COBL: variants seen among roughly 807,000 people sequenced by gnomAD.
COBL encodes the protein cordon-bleu WH2 repeat protein.
A neutral mutation model predicts 98.8 loss-of-function variants in COBL; 51 were observed. That is an observed-to-expected ratio of 0.52 (90% confidence interval 0.41 to 0.65). COBL has a LOEUF of 0.65. COBL is among the 30% of genes least tolerant of loss of function. The pLI, the probability that COBL is intolerant of heterozygous loss-of-function variation, is 0.00. For missense variants in COBL, 1,617 were observed against 1,617.5 expected, an observed-to-expected ratio of 1.00 and a Z score of 0.01; for synonymous variants, 634 against 651.7, an observed-to-expected ratio of 0.97 and a Z score of 0.41.
chr7:51,240,693 C>T (rs978985431), intron 1 of COBL, among the ~76,000 whole-genome samples: 4 of 127,756 alleles, frequency 3.1e-5, no homozygotes, highest in Admixed American at 8.4e-5. Flanking sequence ...ATTACAGGCA[C>T]GCACCACCAC....
At chr7:51,021,526 T>C (rs1038306993) in intron 12 of COBL, among the ~76,000 whole-genome samples, 2 of 152,056 alleles carry the variant, frequency 1.3e-5, no homozygotes, top group Admixed American at 6.6e-5. Flanking sequence ...GGGGGTCTTG[T>C]TATGTTGCCC....
At chr7:51,254,358 AGTATTATTT>A (rs1797016446) in intron 1 of COBL, among the ~76,000 whole-genome samples, 1 of 152,206 alleles carries the variant, frequency 6.6e-6, no homozygotes, top group Non-Finnish European at 1.5e-5. Flanking sequence ...CTGGTACAGA[AGTATTATTT>A]GTGCTAAACT....
chr7:51,184,653 T>A (rs1172632260), intron 4 of COBL, among the ~76,000 whole-genome samples: 1 of 151,980 alleles, frequency 6.6e-6, no homozygotes, highest in African/African-American at 2.4e-5. Flanking sequence ...AAAGTATTGA[T>A]GAGATATTTT....
chr7:51,250,260 C>CA (rs1487825116), intron 1 of COBL, among the ~76,000 whole-genome samples: 1 of 152,214 alleles, frequency 6.6e-6, no homozygotes, highest in Non-Finnish European at 1.5e-5. Context: ...GGTACACACT[C>CA]AGAGAACTCA....
chr7:51,308,403 CACAG>C (rs897097613), intron 1 of COBL, among the ~76,000 whole-genome samples: 37 of 152,304 alleles, frequency 2.4e-4, no homozygotes, highest in South Asian at 1.0e-3. Context: ...CCCACTCTCA[CACAG>C]ACAGACAGAC....
Position 51,028,640 on chromosome 7 carries a change from T to A in COBL, c.2456A>T (p.Lys819Met), listed in dbSNP as rs1424533679. Residue 819 changes from lysine (K) to methionine (M), a missense_variant, in exon 10 of 13, where the codon AAG becomes ATG. Lys to Met is a moderately conservative substitution (Grantham distance 95). This residue lies in a region of COBL where 1,304 missense variants were observed against 1,282.0 expected (regional missense o/e 1.02). Transcript: ENST00000265136. ...GTTCCGGCCCTCATGGTGGGCAGAC[T>A]TCTGCTGGGGCGATATTGGCTTGGG... ...ADPKPISPQQ[K>M]SAHHEGRNPL... The A allele has an allele frequency of 1.2e-5, 20 of 1,613,402 alleles. No homozygotes were observed. The highest frequency in any genetic ancestry group is 1.6e-5 in the Non-Finnish European group (19 of 1,179,598).
intron 2 of COBL, among the ~76,000 whole-genome samples, chr7:51,216,112 A>G (rs1793013562): frequency 6.6e-6 from 1 of 152,242 alleles, no homozygotes; most frequent in African/African-American, 2.4e-5. Flanking sequence ...GACACAAGGC[A>G]CTGACCATAT....
chr7:51,021,395 A>G (rs1342832354), intron 12 of COBL: 1 of 152,200 alleles, frequency 6.6e-6, no homozygotes, highest in Non-Finnish European at 1.5e-5. Context: ...CAGTGGTATG[A>G]TCATAGCTCA....
intron 1 of COBL, chr7:51,259,461 G>T: frequency 1.8e-6 from 1 of 549,230 alleles, no homozygotes; most frequent in Non-Finnish European, 3.3e-6. Context: ...TGATTGATGT[G>T]TTCACCCCGA....
At chr7:51,085,030 C>T in intron 7 of COBL, 136 bp downstream of exon 7, 2 of 1,280,160 alleles carry the variant, frequency 1.6e-6, no homozygotes, top group Non-Finnish European at 1.1e-6. Context: ...CTTTCCAGCC[C>T]TTCTTTCTTT....
intron 2 of COBL, among the ~76,000 whole-genome samples, chr7:51,206,491 CAAAAA>C (rs1216887855): frequency 5.9e-5 from 6 of 101,240 alleles, no homozygotes; most frequent in African/African-American, 1.9e-4. Context: ...GACTCTGTCT[CAAAAA>C]AAAAAAAAAA....
At chr7:51,204,842 C>G (rs1291864470) in intron 2 of COBL, among the ~76,000 whole-genome samples, 1 of 151,608 alleles carries the variant, frequency 6.6e-6, no homozygotes, top group East Asian at 1.9e-4. Context: ...AGCCACCACA[C>G]CCAGCCAAAA....
Position 51,028,360 on chromosome 7 carries a change from A to G in COBL, c.2736T>C (p.Asp912=), listed in dbSNP as rs758406466. The G allele has an allele frequency of 1.4e-5, 22 of 1,614,126 alleles. No homozygotes were observed. Among genetic ancestry groups the G allele is most frequent in the East Asian group, 1.3e-4 (6 of 44,890 alleles). The change falls in exon 10 of 13, where the codon GAT becomes GAC. Residue 912 remains aspartate, a synonymous_variant. Coordinates refer to ENST00000265136, the MANE Select transcript of COBL (RefSeq NM_015198.5). ...CTGAGTGTGGGCTGGATGTCCTGTC[A>G]TCTTTCACAGTGACAGGTGGTGCAG... The part of the protein sequence containing the change: ...VLAAPPVTVK[D]DRTSSPHSET...
intron 1 of COBL, among the ~76,000 whole-genome samples, chr7:51,299,171 TACACACAC>T (rs139865540): frequency 1.3e-5 from 2 of 148,798 alleles, no homozygotes; most frequent in Admixed American, 6.7e-5. Context: ...CACACATACA[TACACACAC>T]ACACACACAC....
intron 1 of COBL, among the ~76,000 whole-genome samples, chr7:51,291,134 C>T: frequency 6.6e-6 from 1 of 152,278 alleles, no homozygotes; most frequent in Non-Finnish European, 1.5e-5. Flanking sequence ...CATCGCGAGG[C>T]AGCGAAGAAA....
At chr7:51,116,844 AGTT>A (rs1797310856) in intron 6 of COBL, among the ~76,000 whole-genome samples, 1 of 152,082 alleles carries the variant, frequency 6.6e-6, no homozygotes, top group African/African-American at 2.4e-5. Flanking sequence ...CTGAATTACC[AGTT>A]GTTTTGTCTC....
intron 1 of COBL, among the ~76,000 whole-genome samples, chr7:51,257,232 A>G (rs372133042): frequency 2.0e-5 from 3 of 152,204 alleles, no homozygotes; most frequent in South Asian, 4.1e-4. Flanking sequence ...TACGTCCCCA[A>G]CAACGTGCCA....
chr7:51,132,268 A>G (rs1043407665), intron 6 of COBL, among the ~76,000 whole-genome samples: 2 of 152,184 alleles, frequency 1.3e-5, no homozygotes, highest in African/African-American at 4.8e-5. Context: ...CTCATCTCCC[A>G]GCTTTATGCA....
intron 7 of COBL, among the ~76,000 whole-genome samples, chr7:51,065,762 G>A (rs910144696): frequency 1.3e-4 from 20 of 152,300 alleles, no homozygotes; most frequent in Admixed American, 8.5e-4. Context: ...TGTTGAAGTC[G>A]GAACCTCCAG....
Sources: allele counts gnomAD v4.1 joint callset (sites outside exome capture counted in the v4.1 genomes callset), GRCh38; gene constraint gnomAD v4.1.1; regional missense constraint gnomAD v4.1.1; transcripts MANE v1.5; gene names NCBI Gene and HGNC (gene_info 2026-07-23, HGNC 2026-07-21).